Variants in TMEM108 observed in about 807,000 individuals in gnomAD.
The protein encoded by TMEM108 is transmembrane protein 108.
In TMEM108, 12 loss-of-function variants were observed where a neutral mutation model predicts 35.1. The ratio of observed to expected loss-of-function variants is 0.34; its 90% CI spans 0.22 to 0.55. TMEM108 has a LOEUF of 0.55. Among genes scored for constraint, TMEM108 ranks in the 20% least tolerant of loss-of-function variants. The pLI is 0.89. For synonymous variants in TMEM108, 287 were observed against 308.6 expected (o/e 0.93, Z 0.73); for missense variants, 680 against 753.3 (o/e 0.90, Z 1.14).
chr3:133,155,446 G>A (rs1944866914), intron 2 of TMEM108, among the ~76,000 whole-genome samples: 1 of 152,094 alleles, frequency 6.6e-6, no homozygotes, highest in Non-Finnish European at 1.5e-5. Context: ...CATCCACAGT[G>A]GCTGAACTAA....
intron 3 of TMEM108, among the ~76,000 whole-genome samples, chr3:133,277,542 G>A (rs1946855335): frequency 6.6e-6 from 1 of 152,214 alleles, no homozygotes; most frequent in South Asian, 2.1e-4. Flanking sequence ...TGAATCAGGA[G>A]CTGCCCAAAT....
At chr3:133,084,360 C>G (rs943287546) in intron 2 of TMEM108, among the ~76,000 whole-genome samples, 2 of 152,144 alleles carry the variant, frequency 1.3e-5, no homozygotes, top group African/African-American at 4.8e-5. Flanking sequence ...TAGACTTATT[C>G]CAGCCACTCT....
chr3:133,193,938 C>CTT (rs34225124), intron 2 of TMEM108, among the ~76,000 whole-genome samples: 3,026 of 139,628 alleles, frequency 0.022, 146 homozygotes, highest in African/African-American at 0.069. Context: ...AACATTGATT[C>CTT]TTTTTTTTTT....
intron 3 of TMEM108, among the ~76,000 whole-genome samples, chr3:133,235,781 T>C (rs1946227147): frequency 6.6e-6 from 1 of 152,144 alleles, no homozygotes. Flanking sequence ...ACAACAACCT[T>C]GTAAGGCAAG....
intron 4 of TMEM108, among the ~76,000 whole-genome samples, chr3:133,385,099 A>G: frequency 6.6e-6 from 1 of 152,308 alleles, no homozygotes; most frequent in East Asian, 1.9e-4. Flanking sequence ...CTGAATGTAT[A>G]TGTGTGCCTT....
chr3:133,351,069 G>A (rs1215068313), intron 3 of TMEM108, among the ~76,000 whole-genome samples: 1 of 152,144 alleles, frequency 6.6e-6, no homozygotes, highest in Non-Finnish European at 1.5e-5. Context: ...TTTTATTGAG[G>A]TTGGGGGTAT....
rs371439465 is a variant in TMEM108, at chr3:133,359,281, A to G, written c.41-20471A>G. On this transcript the variant is annotated intron_variant, in intron 3 of 5. Transcript: ENST00000321871. ...GGAAACCCTGCTTTTTAATTCCAGG[A>G]CTTCTTAGAGTTTTTAATAAGTTAA... Among the ~76,000 whole-genome samples, 34 of 152,326 alleles carry G rather than the reference A, an allele frequency of 2.2e-4. No individual in the cohort carries two copies. The South Asian group carries it at 6.2e-3, about 28-fold the overall frequency.
At chr3:133,245,985 T>C (rs1946380550) in intron 3 of TMEM108, 1 of 151,904 alleles carries the variant, frequency 6.6e-6, no homozygotes, top group Admixed American at 6.6e-5. Context: ...GTCTTTTAAA[T>C]CTCCTATATA....
At chr3:133,193,406 A>C (rs1328663350) in intron 2 of TMEM108, among the ~76,000 whole-genome samples, 4 of 152,196 alleles carry the variant, frequency 2.6e-5, no homozygotes, top group African/African-American at 9.7e-5. Context: ...TTGGGTTTTC[A>C]AGGCTAATTT....
intron 2 of TMEM108, among the ~76,000 whole-genome samples, chr3:133,062,908 A>G (rs1356866242): frequency 2.6e-5 from 4 of 152,218 alleles, no homozygotes; most frequent in Admixed American, 1.3e-4. Flanking sequence ...GCAGGTCCAC[A>G]CTAGAGTGGG....
intron 3 of TMEM108, 30 bp from the exon 4 acceptor site, chr3:133,379,722 T>C (rs2072945089): frequency 6.2e-7 from 1 of 1,600,476 alleles, no homozygotes; most frequent in Admixed American, 1.7e-5. Flanking sequence ...CCCCAAGTAT[T>C]TTACCTCTTC....
chr3:133,180,234 T>C (rs111912315), intron 2 of TMEM108, among the ~76,000 whole-genome samples: 3,401 of 152,188 alleles, frequency 0.022, 136 homozygotes, highest in African/African-American at 0.076. Context: ...TCTGTGGGAA[T>C]ATTGCATTTT....
chr3:133,050,372 CA>C (rs1344524753), intron 2 of TMEM108, among the ~76,000 whole-genome samples: 1 of 152,062 alleles, frequency 6.6e-6, no homozygotes, highest in African/African-American at 2.4e-5. Flanking sequence ...TAAGTTCAAG[CA>C]AAATTGAGAG....
chr3:133,132,483 G>A (rs1410911419), intron 2 of TMEM108, among the ~76,000 whole-genome samples: 1 of 152,138 alleles, frequency 6.6e-6, no homozygotes. Context: ...TTTATAGCAT[G>A]GTTTACTGAA....
At chr3:133,242,104 C>T (rs1946322334) in intron 3 of TMEM108, among the ~76,000 whole-genome samples, 1 of 152,142 alleles carries the variant, frequency 6.6e-6, no homozygotes, top group African/African-American at 2.4e-5. Context: ...TGTATCTCTC[C>T]TCTGTCATTG....
chr3:133,373,075 A>G (rs75342605), intron 3 of TMEM108, among the ~76,000 whole-genome samples: 8,642 of 152,250 alleles, frequency 0.057, 521 homozygotes, highest in African/African-American at 0.16. Flanking sequence ...GTGAGTAGAA[A>G]AAGAACACTG....
intron 2 of TMEM108, among the ~76,000 whole-genome samples, chr3:133,224,939 C>T (rs1263942290): frequency 6.6e-6 from 1 of 152,056 alleles, no homozygotes; most frequent in Non-Finnish European, 1.5e-5. Flanking sequence ...AGTTGCCTCT[C>T]CTGTCTCAAT....
At position 133,140,858 on chromosome 3, in the gene TMEM108, T is replaced by C. The variant is rs547245084; in HGVS notation, c.-46-88408T>C. Among the ~76,000 whole-genome samples the C allele has an allele frequency of 3.0e-4, 46 of 152,310 alleles. 1 individual carries two copies. In the East Asian group the frequency reaches 3.1e-3, roughly 10 times the overall value. On this transcript the variant is annotated intron_variant, in intron 2 of 5. Coordinates refer to ENST00000321871, the MANE Select transcript of TMEM108 (RefSeq NM_023943.4). ...AAAAGTTATTTTATTTTCTAATTTT[T>C]AATAATTATATATTGTGATTTAAAA...
chr3:133,056,679 T>C (rs1361455792), intron 2 of TMEM108, among the ~76,000 whole-genome samples: 2 of 152,204 alleles, frequency 1.3e-5, no homozygotes, highest in Non-Finnish European at 2.9e-5. Flanking sequence ...CTTCCTTTGA[T>C]AGGACCTAAT....
Sources: gnomAD v4.1 joint callset for allele counts (sites outside exome capture counted in the v4.1 genomes callset) on GRCh38, gnomAD v4.1.1 for gene constraint, MANE v1.5 for transcripts, NCBI Gene and HGNC (gene_info 2026-07-23, HGNC 2026-07-21) for gene names.